Variants in CNST observed in about 807,000 individuals in gnomAD.
The protein encoded by CNST is consortin, connexin sorting protein, also known as consortin.
A neutral mutation model predicts 72.4 loss-of-function variants in CNST; 39 were observed. The ratio of observed to expected loss-of-function variants is 0.54; its 90% confidence interval spans 0.42 to 0.70. The LOEUF is 0.70. CNST is among the 30% of genes least tolerant of loss of function. The pLI, the probability that CNST is intolerant of heterozygous loss-of-function variation, is 0.00. For synonymous variants in CNST, 332 were observed against 320.1 expected (o/e 1.04, Z -0.40); for missense variants, 871 against 868.5 (o/e 1.00, Z -0.04).
rs1175692182 is a variant in CNST, at chr1:246,621,546, C to T, written c.497C>T (p.Pro166Leu). 4 of 1,614,154 alleles carry T rather than the reference C, an allele frequency of 2.5e-6. No individual in the cohort carries two copies. The highest frequency in any genetic ancestry group is 3.4e-6 in the Non-Finnish European group (4 of 1,180,032). The change falls in exon 3 of 11, where the codon CCA becomes CTA. Residue 166 changes from proline (P) to leucine (L), a missense_variant. Coordinates refer to ENST00000366513, the MANE Select transcript of CNST (RefSeq NM_152609.3). The stretch of plus-strand genomic sequence containing the variant: ...AATGCTAATGAGCAGCCAGAGGCGC[C>T]AAAGCTTGTTCTGCAGTCTCTGTTT... Reference protein sequence around the residue: ...EVNANEQPEAPKLVLQSLFSL... With the variant: ...EVNANEQPEALKLVLQSLFSL...
At chr1:246,605,588 C>T (rs1662680678) in intron 2 of CNST, among the ~76,000 whole-genome samples, 3 of 152,092 alleles carry the variant, frequency 2.0e-5, no homozygotes, top group Non-Finnish European at 4.4e-5. Flanking sequence ...CAGGAAGTGT[C>T]CCTGTCTGAT....
chr1:246,643,000 C>T (rs187210532), intron 8 of CNST, among the ~76,000 whole-genome samples: 17 of 149,942 alleles, frequency 1.1e-4, no homozygotes, highest in African/African-American at 3.0e-4. Context: ...GTAATCCTCC[C>T]GCCTCAGTCT....
intron 10 of CNST, among the ~76,000 whole-genome samples, chr1:246,664,642 G>A (rs1399042191): frequency 1.3e-5 from 2 of 151,580 alleles, no homozygotes; most frequent in Non-Finnish European, 3.0e-5. Flanking sequence ...CAGCCAGGAT[G>A]GTCTCGATCT....
At chr1:246,585,666 TACACACACACACACAC>T (rs56730668) in intron 1 of CNST, among the ~76,000 whole-genome samples, 1,213 of 101,608 alleles carry the variant, frequency 0.012, 53 homozygotes, top group African/African-American at 0.045. Context: ...AAAAAAAATA[TACACACACACACACAC>T]ACACACACAC....
intron 8 of CNST, among the ~76,000 whole-genome samples, chr1:246,644,375 G>A (rs1399973438): frequency 5.0e-5 from 6 of 120,758 alleles, no homozygotes; most frequent in Non-Finnish European, 9.8e-5. Flanking sequence ...GCGACAGAGC[G>A]AGACTCTGTC....
At chr1:246,641,879 G>A in intron 7 of CNST, 62 bp from the exon 8 acceptor site, 1 of 1,400,442 alleles carries the variant, frequency 7.1e-7, no homozygotes, top group Non-Finnish European at 1.0e-6. Flanking sequence ...GTTATTTTCA[G>A]CTTCCTAGTT....
chr1:246,618,792 A>G (rs1663858276), intron 2 of CNST, among the ~76,000 whole-genome samples: 1 of 152,206 alleles, frequency 6.6e-6, no homozygotes, highest in Non-Finnish European at 1.5e-5. Flanking sequence ...TCAAGCAGGA[A>G]ACTTGACCAT....
chr1:246,612,762 G>C (rs987104824), intron 2 of CNST, among the ~76,000 whole-genome samples: 1 of 152,030 alleles, frequency 6.6e-6, no homozygotes, highest in East Asian at 1.9e-4. Context: ...GTGTGCACTT[G>C]TTGTCCCAGC....
chr1:246,577,294 C>T (rs1202802551), intron 1 of CNST, among the ~76,000 whole-genome samples: 3 of 151,986 alleles, frequency 2.0e-5, no homozygotes, highest in Admixed American at 6.6e-5. Flanking sequence ...TCCTCCATAC[C>T]GCCCCACCAC....
At chr1:246,664,561 A>G (rs1295597843) in intron 10 of CNST, among the ~76,000 whole-genome samples, 7 of 151,766 alleles carry the variant, frequency 4.6e-5, no homozygotes, top group East Asian at 3.9e-4. Flanking sequence ...TGAGTAGCTG[A>G]GACTATAGGC....
At chr1:246,617,335 A>G (rs1663776821) in intron 2 of CNST, among the ~76,000 whole-genome samples, 1 of 152,250 alleles carries the variant, frequency 6.6e-6, no homozygotes, top group Non-Finnish European at 1.5e-5. Flanking sequence ...TATAACTCCT[A>G]TTATTCACTA....
intron 2 of CNST, among the ~76,000 whole-genome samples, chr1:246,612,950 T>C (rs141557856): frequency 2.0e-5 from 3 of 152,260 alleles, no homozygotes; most frequent in African/African-American, 7.2e-5. Context: ...TAATTGAAAT[T>C]TGCTGAGTTT....
intron 1 of CNST, among the ~76,000 whole-genome samples, chr1:246,587,970 G>GT (rs1000611884): frequency 1.3e-5 from 2 of 151,818 alleles, no homozygotes; most frequent in African/African-American, 4.8e-5. Flanking sequence ...TGTATTTGAT[G>GT]TTTTTTTCCC....
chr1:246,643,325 A>G (rs780526959), intron 8 of CNST, among the ~76,000 whole-genome samples: 14 of 152,176 alleles, frequency 9.2e-5, no homozygotes, highest in Non-Finnish European at 1.5e-4. Flanking sequence ...TTTTCCAGTC[A>G]TTTTTATATT....
At chr1:246,662,138 T>C (rs1318476838) in intron 10 of CNST, among the ~76,000 whole-genome samples, 1 of 152,234 alleles carries the variant, frequency 6.6e-6, no homozygotes, top group Non-Finnish European at 1.5e-5. Flanking sequence ...AGATAATATG[T>C]ATAAATTCAT....
At position 246,577,487 on chromosome 1, in the gene CNST, G is replaced by T. The variant is rs139153084; in HGVS notation, c.-52+10824G>T. On this transcript the variant is annotated intron_variant, in intron 1 of 10. Coordinates refer to ENST00000366513, the MANE Select transcript of CNST (RefSeq NM_152609.3). ...TGGAATTTGAGGTTACTCTACTGTTGTTCAGACTTTACCTTTAAAATTCCA... is the reference window on the plus strand; with the variant it reads ...TGGAATTTGAGGTTACTCTACTGTTTTTCAGACTTTACCTTTAAAATTCCA... Among the ~76,000 whole-genome samples the T allele has an allele frequency of 3.9e-3, 594 of 152,134 alleles. 9 individuals are homozygous for T. Among genetic ancestry groups the T allele is most frequent in the African/African-American group, 0.014 (570 of 41,408 alleles).
At chr1:246,657,689 A>C (rs1417289605) in intron 9 of CNST, among the ~76,000 whole-genome samples, 1 of 152,132 alleles carries the variant, frequency 6.6e-6, no homozygotes, top group Non-Finnish European at 1.5e-5. Context: ...CCACAGCCAA[A>C]CACCACCCTC....
chr1:246,626,931 C>G (rs1371194844), intron 3 of CNST, among the ~76,000 whole-genome samples: 4 of 152,180 alleles, frequency 2.6e-5, no homozygotes, highest in Admixed American at 2.6e-4. Flanking sequence ...TTGCTGAGAC[C>G]AAATGCCTTG....
chr1:246,650,597 G>A (rs1311848903), intron 9 of CNST, among the ~76,000 whole-genome samples: 1 of 150,934 alleles, frequency 6.6e-6, no homozygotes, highest in African/African-American at 2.4e-5. Flanking sequence ...GCAATTGTGG[G>A]TTTGCTTATA....
Sources: allele counts gnomAD v4.1 joint callset (sites outside exome capture counted in the v4.1 genomes callset), GRCh38; gene constraint gnomAD v4.1.1; transcripts MANE v1.5; gene names NCBI Gene and HGNC (gene_info 2026-07-23, HGNC 2026-07-21).